The following PARN variants were observed in gnomAD, a reference collection of about 807,000 sequenced individuals.
PARN encodes poly(A)-specific ribonuclease PARN.
Under a neutral mutation model 102.8 loss-of-function variants are expected in PARN, and 71 were observed. The observed-to-expected ratio is 0.69, with a 90% CI of 0.57 to 0.84. The LOEUF is 0.84. Ranked by LOEUF, PARN falls within the 40% of genes least tolerant of loss-of-function variation. The pLI is 0.00. For synonymous variants in PARN, 261 were observed against 252.9 expected (o/e 1.03, Z -0.30); for missense variants, 782 against 760.9 (o/e 1.03, Z -0.33).
At chr16:14,628,685 T>C (rs1179300964) in intron 2 of PARN, among the ~76,000 whole-genome samples, 1 of 152,166 alleles carries the variant, frequency 6.6e-6, no homozygotes, top group Non-Finnish European at 1.5e-5. Flanking sequence ...AAGAGAAAAT[T>C]ATTTCTCTAA....
At chr16:14,547,643 G>A (rs941538199) in intron 21 of PARN, among the ~76,000 whole-genome samples, 3 of 152,018 alleles carry the variant, frequency 2.0e-5, no homozygotes, top group East Asian at 1.9e-4. Context: ...CCAGGAGTTC[G>A]AGGCTGCAGT....
rs1051522322 is a variant in PARN at position 14,447,186 on chromosome 16, C to T, written c.1671-105G>A. The T allele has an allele frequency of 6.3e-6, 4 of 636,188 alleles. No individual in the cohort carries two copies. In the African/African-American group the frequency reaches 7.5e-5, roughly 12 times the overall value. 39.4% of individuals were successfully genotyped at this position (636,188 alleles called of 1,614,324 possible). A position where few individuals can be genotyped will look rare whatever the true frequency, so the allele number is the denominator to read the frequency against. ...TTAATTCTATTAACACTCAGCCAGC[C>T]ATCAACAACATGGGCAGCTGCTGCC... is the stretch of plus-strand genomic sequence containing the variant. On this transcript the variant is annotated intron_variant, in intron 22 of 23. Coordinates refer to ENST00000437198, the MANE Select transcript of PARN (RefSeq NM_002582.4).
chr16:14,558,423 A>C (rs1967841741), intron 18 of PARN: 1 of 152,156 alleles, frequency 6.6e-6, no homozygotes, highest in East Asian at 1.9e-4. Flanking sequence ...ACTTGAACCC[A>C]GGAGGCAGAA....
Position 14,494,332 on chromosome 16 carries a change from A to T in PARN, c.1481-11505T>A, listed in dbSNP as rs114963009. Among the ~76,000 whole-genome samples the T allele has an allele frequency of 3.6e-3, 541 of 152,344 alleles. 6 individuals are homozygous for T. The highest frequency in any genetic ancestry group is 0.012 in the African/African-American group (517 of 41,588). On this transcript the variant is annotated intron_variant, in intron 21 of 23. Transcript: ENST00000437198. Reference sequence around the variant, plus strand: ...TCAGAGAGACAAAGCCCAGTACTCAAGGAGAGAAAGAGAGCACAGACCATC... The same window carrying T: ...TCAGAGAGACAAAGCCCAGTACTCATGGAGAGAAAGAGAGCACAGACCATC...
intron 21 of PARN, among the ~76,000 whole-genome samples, chr16:14,539,399 T>C (rs1320508611): frequency 6.6e-6 from 1 of 152,188 alleles, no homozygotes; most frequent in East Asian, 1.9e-4. Context: ...CAGAAAGCTT[T>C]TTGCTCTATT....
chr16:14,518,211 A>G (rs1965551534), intron 21 of PARN, among the ~76,000 whole-genome samples: 1 of 148,444 alleles, frequency 6.7e-6, no homozygotes, highest in African/African-American at 2.5e-5. Flanking sequence ...ACTACTTCAT[A>G]TACCCAGGAG....
chr16:14,598,846 C>T (rs919713343), intron 12 of PARN, among the ~76,000 whole-genome samples: 1 of 152,008 alleles, frequency 6.6e-6, no homozygotes, highest in Non-Finnish European at 1.5e-5. Flanking sequence ...TTTCTATGGC[C>T]TTAAAGCTTC....
At chr16:14,437,925 T>A (rs1486884323) in intron 23 of PARN, among the ~76,000 whole-genome samples, 1 of 152,182 alleles carries the variant, frequency 6.6e-6, no homozygotes. Flanking sequence ...GAATTTCAGC[T>A]AACATGAGAA....
chr16:14,608,249 A>G, intron 9 of PARN, 32 bp downstream of exon 9: 1 of 1,468,314 alleles, frequency 6.8e-7, no homozygotes, highest in Non-Finnish European at 9.3e-7. Context: ...TGGGTCCCCC[A>G]CAGAGCTGCT....
At chr16:14,461,077 C>T (rs1335622938) in intron 22 of PARN, among the ~76,000 whole-genome samples, 1 of 152,200 alleles carries the variant, frequency 6.6e-6, no homozygotes, top group Non-Finnish European at 1.5e-5. Context: ...AACCCATAAC[C>T]TTAGTCTAAC....
At chr16:14,512,333 C>G (rs924867874) in intron 21 of PARN, among the ~76,000 whole-genome samples, 5 of 152,118 alleles carry the variant, frequency 3.3e-5, no homozygotes, top group African/African-American at 1.2e-4. Context: ...GAAACCCTGT[C>G]TCTACTAAAA....
At chr16:14,564,280 AT>A (rs1968290498) in intron 18 of PARN, among the ~76,000 whole-genome samples, 1 of 152,186 alleles carries the variant, frequency 6.6e-6, no homozygotes, top group Non-Finnish European at 1.5e-5. Context: ...TCCCAGAAAC[AT>A]TTTTTTATAA....
At chr16:14,441,004 A>G (rs1960916853) in intron 23 of PARN, among the ~76,000 whole-genome samples, 1 of 152,228 alleles carries the variant, frequency 6.6e-6, no homozygotes, top group African/African-American at 2.4e-5. Context: ...TTCATTGGGT[A>G]CAATTATATC....
chr16:14,585,188 C>T (rs1472425993), intron 14 of PARN, among the ~76,000 whole-genome samples: 2 of 152,198 alleles, frequency 1.3e-5, no homozygotes, highest in Non-Finnish European at 2.9e-5. Flanking sequence ...CATTCCCAAA[C>T]TGCTACCATC....
intron 22 of PARN, among the ~76,000 whole-genome samples, chr16:14,470,805 C>A (rs984365776): frequency 6.6e-6 from 1 of 151,874 alleles, no homozygotes; most frequent in Admixed American, 6.6e-5. Flanking sequence ...TTTCTTTGCT[C>A]TGTTGCCCAG....
At chr16:14,603,995 T>C (rs1596827390) in intron 11 of PARN, 151 bp downstream of exon 11, 2 of 683,504 alleles carry the variant, frequency 2.9e-6, no homozygotes, top group Non-Finnish European at 2.6e-6. Context: ...CTTCCCCTTA[T>C]TCTAGTCCAG....
intron 6 of PARN, among the ~76,000 whole-genome samples, chr16:14,616,284 TAGAAG>T (rs1178940964): frequency 6.6e-6 from 1 of 152,146 alleles, no homozygotes; most frequent in Non-Finnish European, 1.5e-5. Context: ...CTCCCTGATG[TAGAAG>T]AGAAATCATG....
At chr16:14,578,210 T>C (rs1165565450) in intron 18 of PARN, among the ~76,000 whole-genome samples, 1 of 146,820 alleles carries the variant, frequency 6.8e-6, no homozygotes, top group Admixed American at 6.9e-5. Flanking sequence ...GAGCCTGTAG[T>C]CCCAGCTACT....
chr16:14,496,717 C>T (rs1216934434), intron 21 of PARN, among the ~76,000 whole-genome samples: 1 of 152,166 alleles, frequency 6.6e-6, no homozygotes, highest in Non-Finnish European at 1.5e-5. Context: ...AAATAGTACA[C>T]GGCTTAGTTA....
Sources: gnomAD v4.1 joint callset for allele counts (sites outside exome capture counted in the v4.1 genomes callset) on GRCh38, gnomAD v4.1.1 for gene constraint, MANE v1.5 for transcripts, NCBI Gene and HGNC (gene_info 2026-07-23, HGNC 2026-07-21) for gene names.